Variants in PDGFC observed in about 807,000 individuals in gnomAD.
PDGFC encodes platelet derived growth factor C.
A neutral mutation model predicts 35.5 loss-of-function variants in PDGFC; 12 were observed. That is an observed-to-expected ratio of 0.34 (90% CI 0.22 to 0.55). PDGFC has a LOEUF of 0.55. Among genes scored for constraint, PDGFC ranks in the 20% least tolerant of loss-of-function variants. The pLI is 0.91. For synonymous variants in PDGFC, 159 were observed against 148.8 expected, an observed-to-expected ratio of 1.07 and a Z score of -0.50; for missense variants, 322 against 412.4, an observed-to-expected ratio of 0.78 and a Z score of 1.90.
chr4:156,817,713 T>G (rs1230041880), intron 2 of PDGFC, among the ~76,000 whole-genome samples: 2 of 152,098 alleles, frequency 1.3e-5, no homozygotes. Context: ...CAATTTTATA[T>G]GAACAATTTT....
intron 3 of PDGFC, among the ~76,000 whole-genome samples, chr4:156,804,203 AAAAT>A (rs143840914): frequency 0.023 from 3,462 of 152,086 alleles, 136 homozygotes; most frequent in South Asian, 0.17. Flanking sequence ...AGTAATTGTA[AAAAT>A]AAATAAATAA....
chr4:156,920,652 C>T (rs1013065101), intron 1 of PDGFC, among the ~76,000 whole-genome samples: 1 of 125,762 alleles, frequency 8.0e-6, no homozygotes, highest in Non-Finnish European at 1.5e-5. Context: ...AAAACACACA[C>T]ACACACACAC....
At chr4:156,768,132 G>C (rs1443097918) in intron 4 of PDGFC, 142 bp from the exon 5 acceptor site, 1 of 628,596 alleles carries the variant, frequency 1.6e-6, no homozygotes, top group Non-Finnish European at 2.8e-6. Context: ...ATTGTAAGTA[G>C]ATTTTAGAGA....
At position 156,808,200 on chromosome 4, in the gene PDGFC, C is replaced by T. The variant is rs79290780; in HGVS notation, c.495+2637G>A. On this transcript the variant is annotated intron_variant, in intron 3 of 5. Coordinates refer to ENST00000502773, the MANE Select transcript of PDGFC (RefSeq NM_016205.3). ...AGTATAGCTCCCTGTGGGTTTTGGA[C>T]AACTCTAAGATGAAATGGCTGAATT... Among the ~76,000 whole-genome samples, 167 of 152,142 alleles carry T rather than the reference C, an allele frequency of 1.1e-3. 1 individual carries two copies. In the East Asian group the frequency reaches 0.026, roughly 24 times the overall value.
intron 3 of PDGFC, among the ~76,000 whole-genome samples, chr4:156,786,605 G>A (rs1731135533): frequency 6.6e-6 from 1 of 152,228 alleles, no homozygotes; most frequent in African/African-American, 2.4e-5. Flanking sequence ...AGGGGACACT[G>A]TAGGTCACGG....
intron 1 of PDGFC, among the ~76,000 whole-genome samples, chr4:156,869,763 G>A (rs1428207301): frequency 6.6e-6 from 1 of 152,060 alleles, no homozygotes. Context: ...GCCTATTCGT[G>A]TCTTTTTAAA....
intron 3 of PDGFC, among the ~76,000 whole-genome samples, chr4:156,777,059 T>C (rs935993569): frequency 1.3e-5 from 2 of 152,056 alleles, no homozygotes; most frequent in African/African-American, 4.8e-5. Flanking sequence ...TTCTTTTAAC[T>C]CTCCTTGTTG....
Position 156,971,122 on chromosome 4 carries a change from A to C in PDGFC, c.-219T>G. 1 of 513,350 alleles carries C rather than the reference A, an allele frequency of 1.9e-6. No individual in the cohort carries two copies. The highest frequency in any genetic ancestry group is 3.5e-6 in the Non-Finnish European group (1 of 287,462). The allele number at this position is 513,350 out of a possible 1,614,324, so 31.8% of individuals were successfully genotyped here. A position where few individuals can be genotyped will look rare whatever the true frequency, so the allele number is the denominator to read the frequency against. ...CAGTTTTTGAAAAGGATCAAAGCAA[A>C]ACCTGGACCTGAACCAGTTTCCCAA... is the stretch of plus-strand genomic sequence containing the variant. On this transcript the variant is annotated 5_prime_UTR_variant, in exon 1 of 6. Coordinates refer to ENST00000502773, the MANE Select transcript of PDGFC (RefSeq NM_016205.3).
intron 1 of PDGFC, among the ~76,000 whole-genome samples, chr4:156,887,660 T>C (rs1260594498): frequency 2.6e-5 from 4 of 152,112 alleles, no homozygotes; most frequent in African/African-American, 9.7e-5. Flanking sequence ...ACTTATTCCG[T>C]GAATAGTTCA....
At chr4:156,823,881 A>G (rs1359836256) in intron 2 of PDGFC, among the ~76,000 whole-genome samples, 5 of 152,184 alleles carry the variant, frequency 3.3e-5, no homozygotes, top group East Asian at 1.9e-4. Flanking sequence ...ATATATAAAC[A>G]TTGGAATACT....
At chr4:156,799,635 G>A (rs1052114093) in intron 3 of PDGFC, among the ~76,000 whole-genome samples, 3 of 152,060 alleles carry the variant, frequency 2.0e-5, no homozygotes, top group Non-Finnish European at 2.9e-5. Context: ...AGCCTTACAA[G>A]GTTCTATAAG....
intron 1 of PDGFC, among the ~76,000 whole-genome samples, chr4:156,940,229 T>G (rs888761006): frequency 3.9e-5 from 6 of 152,112 alleles, no homozygotes; most frequent in African/African-American, 1.4e-4. Flanking sequence ...GGTACTTAAA[T>G]ATTTCCAAGT....
chr4:156,763,042 GC>G lies in PDGFC; in HGVS notation c.*47del, dbSNP rs755324431. 1 of 916,362 alleles carries G rather than the reference GC, an allele frequency of 1.1e-6. No individual in the cohort carries two copies. Among genetic ancestry groups the G allele is most frequent in the South Asian group, 1.3e-5 (1 of 76,340 alleles). 56.8% of individuals were successfully genotyped at this position (916,362 alleles called of 1,614,324 possible). On this transcript the variant is annotated 3_prime_UTR_variant, in exon 6 of 6. Coordinates refer to ENST00000502773, the MANE Select transcript of PDGFC (RefSeq NM_016205.3). ...ACGCATACGTTCTCTAATAGAATCAGCCACTGCACTGCACAGCTCTGGGCAA... is the reference window on the plus strand; with the variant it reads ...ACGCATACGTTCTCTAATAGAATCAGCACTGCACTGCACAGCTCTGGGCAA...
At chr4:156,799,982 G>T (rs1468198530) in intron 3 of PDGFC, among the ~76,000 whole-genome samples, 1 of 152,080 alleles carries the variant, frequency 6.6e-6, no homozygotes, top group Non-Finnish European at 1.5e-5. Flanking sequence ...TAGCATACAG[G>T]TGTTTTAATA....
intron 1 of PDGFC, among the ~76,000 whole-genome samples, chr4:156,939,996 A>G (rs1179853828): frequency 2.0e-5 from 3 of 152,116 alleles, no homozygotes; most frequent in Non-Finnish European, 2.9e-5. Context: ...CAAAGGAAAA[A>G]GCTGATTTTC....
chr4:156,836,489 CT>C (rs1729066622), intron 2 of PDGFC, among the ~76,000 whole-genome samples: 1 of 152,102 alleles, frequency 6.6e-6, no homozygotes, highest in Non-Finnish European at 1.5e-5. Context: ...AACCCTTATT[CT>C]TTTTTCTTTC....
chr4:156,856,837 A>C (rs1013166105), intron 1 of PDGFC, among the ~76,000 whole-genome samples: 23 of 152,280 alleles, frequency 1.5e-4, no homozygotes, highest in African/African-American at 5.5e-4. Flanking sequence ...TGTCTTACTC[A>C]AAGTTCATCC....
intron 1 of PDGFC, among the ~76,000 whole-genome samples, chr4:156,865,349 T>C (rs1729814680): frequency 6.6e-6 from 1 of 152,170 alleles, no homozygotes; most frequent in Non-Finnish European, 1.5e-5. Context: ...TTTAGAACAA[T>C]CTAGGAATTC....
At chr4:156,807,942 A>T (rs1731816361) in intron 3 of PDGFC, among the ~76,000 whole-genome samples, 1 of 152,038 alleles carries the variant, frequency 6.6e-6, no homozygotes, top group South Asian at 2.1e-4. Flanking sequence ...GTATGCACTC[A>T]ATTCTTTAAC....
Sources: allele counts gnomAD v4.1 joint callset (sites outside exome capture counted in the v4.1 genomes callset), GRCh38; gene constraint gnomAD v4.1.1; transcripts MANE v1.5; gene names NCBI Gene and HGNC (gene_info 2026-07-23, HGNC 2026-07-21).